PELI1: variants seen among roughly 807,000 people sequenced by gnomAD.
The protein encoded by PELI1 is E3 ubiquitin-protein ligase pellino homolog 1.
PELI1 carries 15 observed loss-of-function variants against 41.3 expected under a neutral mutation model. That is an observed-to-expected ratio of 0.36 (90% CI 0.24 to 0.56). The LOEUF (loss-of-function observed/expected upper bound fraction) is 0.56, where lower values mean the gene tolerates loss of function less well. PELI1 is among the 20% of genes least tolerant of loss of function. The pLI is 0.82. For synonymous variants in PELI1, 178 were observed against 180.1 expected (o/e 0.99, Z 0.09); for missense variants, 403 against 525.5 (o/e 0.77, Z 2.28).
intron 1 of PELI1, among the ~76,000 whole-genome samples, chr2:64,131,496 C>A (rs1317816236): frequency 1.3e-5 from 2 of 151,802 alleles, no homozygotes; most frequent in African/African-American, 4.8e-5. Flanking sequence ...ATTTTTGATC[C>A]ATGCTTGGTT....
intron 1 of PELI1, among the ~76,000 whole-genome samples, chr2:64,120,777 T>C (rs116815116): frequency 0.016 from 2,443 of 152,302 alleles, 60 homozygotes; most frequent in African/African-American, 0.055. Flanking sequence ...TATAAATACA[T>C]TGTTATCTTT....
chr2:64,122,907 CCTTCCAATTTCATTTTATAA>C (rs1681270192), intron 1 of PELI1, among the ~76,000 whole-genome samples: 1 of 152,116 alleles, frequency 6.6e-6, no homozygotes, highest in Non-Finnish European at 1.5e-5. Flanking sequence ...GTTCAATTTT[CCTTCCAATTTCATTTTATAA>C]TAGATGAGAA....
intron 1 of PELI1, among the ~76,000 whole-genome samples, chr2:64,114,954 A>G (rs1342123360): frequency 6.6e-6 from 1 of 152,104 alleles, no homozygotes; most frequent in Non-Finnish European, 1.5e-5. Flanking sequence ...TAAGGTACTT[A>G]ATGTTTGCTT....
At chr2:64,138,299 C>T (rs1416771837) in intron 1 of PELI1, among the ~76,000 whole-genome samples, 1 of 152,216 alleles carries the variant, frequency 6.6e-6, no homozygotes, top group Non-Finnish European at 1.5e-5. Context: ...AGGGCCACTG[C>T]ACTTACTATT....
chr2:64,124,514 A>G (rs561924761), intron 1 of PELI1, among the ~76,000 whole-genome samples: 57 of 152,370 alleles, frequency 3.7e-4, no homozygotes, highest in Non-Finnish European at 6.6e-4. Context: ...AGAGAAACTG[A>G]GGGAAACTAA....
chr2:64,099,324 G>T (rs1009004511), intron 4 of PELI1, among the ~76,000 whole-genome samples: 9 of 149,972 alleles, frequency 6.0e-5, no homozygotes, highest in African/African-American at 2.3e-4. Flanking sequence ...GTAGCATCTT[G>T]ATTTTAAAAA....
At position 64,143,065 on chromosome 2, in the gene PELI1, C is replaced by A. The variant is rs570262611; in HGVS notation, c.-70+1016G>T. Among the ~76,000 whole-genome samples the A allele has an allele frequency of 2.0e-5, 3 of 152,242 alleles. 1 individual carries two copies. In the South Asian group the frequency reaches 6.2e-4, roughly 32 times the overall value. On this transcript the variant is annotated intron_variant, in intron 1 of 6. Coordinates refer to ENST00000358912, the MANE Select transcript of PELI1 (RefSeq NM_020651.4). ...GGAATATTGTTGGTGCTGTTAAAAC[C>A]AAGGCACATTTCCTTGTGTGTAGTG...
At chr2:64,141,308 C>T (rs1681906884) in intron 1 of PELI1, among the ~76,000 whole-genome samples, 1 of 138,032 alleles carries the variant, frequency 7.2e-6, no homozygotes, top group Non-Finnish European at 1.5e-5. Flanking sequence ...TTTCCCGCCC[C>T]CACCCCAAAG....
chr2:64,120,143 C>A (rs191197027), intron 1 of PELI1, among the ~76,000 whole-genome samples: 23 of 152,242 alleles, frequency 1.5e-4, no homozygotes, highest in Non-Finnish European at 2.8e-4. Context: ...ACAGCAGTAG[C>A]CAGAGGTAAG....
At chr2:64,102,217 A>G (rs1185944128) in intron 3 of PELI1, among the ~76,000 whole-genome samples, 1 of 152,002 alleles carries the variant, frequency 6.6e-6, no homozygotes, top group African/African-American at 2.4e-5. Context: ...GAGGTATCCA[A>G]CCTCAAGAAT....
chr2:64,138,536 G>A (rs562608251), intron 1 of PELI1, among the ~76,000 whole-genome samples: 8 of 152,154 alleles, frequency 5.3e-5, no homozygotes, highest in African/African-American at 9.6e-5. Context: ...AGACCGGTCC[G>A]GCCAACATGG....
intron 1 of PELI1, among the ~76,000 whole-genome samples, chr2:64,123,798 C>A (rs1681300210): frequency 3.3e-5 from 5 of 152,236 alleles, no homozygotes; most frequent in Middle Eastern, 6.8e-3. Flanking sequence ...TAGGTATATA[C>A]CCAGGAGAAA....
In PELI1 at chr2:64,094,691, A is replaced by G. The variant is rs1680167447; in HGVS notation, c.*11T>C. On this transcript the variant is annotated 3_prime_UTR_variant, in exon 7 of 7. Transcript: ENST00000358912. The stretch of plus-strand genomic sequence containing the variant: ...TAAATTTATAATGTAGTCCTGCAAG[A>G]CAATGGTCTGTTAGTCTAGAGGTCC... The G allele has an allele frequency of 1.3e-6, 2 of 1,598,762 alleles. No homozygotes were observed. The highest frequency in any genetic ancestry group is 1.1e-5 in the South Asian group (1 of 90,622).
intron 4 of PELI1, among the ~76,000 whole-genome samples, chr2:64,099,160 GGA>G (rs1680338178): frequency 8.6e-6 from 1 of 116,474 alleles, no homozygotes; most frequent in South Asian, 3.0e-4. Context: ...CAAATATCTT[GGA>G]GATACACACA....
chr2:64,110,589 C>G (rs1476623894), intron 1 of PELI1, among the ~76,000 whole-genome samples: 2 of 152,164 alleles, frequency 1.3e-5, no homozygotes, highest in Non-Finnish European at 2.9e-5. Context: ...AATCGACTTT[C>G]CTTCTCTTGA....
chr2:64,109,105 C>T (rs1180525262), intron 1 of PELI1, among the ~76,000 whole-genome samples: 1 of 152,130 alleles, frequency 6.6e-6, no homozygotes, highest in African/African-American at 2.4e-5. Flanking sequence ...CGGGCATGCC[C>T]CAGCACCTAC....
chr2:64,110,017 G>A (rs562922222), intron 1 of PELI1, among the ~76,000 whole-genome samples: 1 of 152,248 alleles, frequency 6.6e-6, no homozygotes, highest in Non-Finnish European at 1.5e-5. Flanking sequence ...AGCGGAGGCG[G>A]GAAGATCACT....
intron 1 of PELI1, among the ~76,000 whole-genome samples, chr2:64,134,628 G>T (rs1681658875): frequency 6.6e-6 from 1 of 152,066 alleles, no homozygotes; most frequent in Non-Finnish European, 1.5e-5. Flanking sequence ...TCCTTTGATG[G>T]TAAATTTAAA....
Position 64,104,758 on chromosome 2 carries a change from C to G in PELI1, c.144G>C (p.Lys48Asn). ...KSRFALFKRP[K>N]ANGVKPSTVH... ...CAGTGCTGGGCTTCACCCCATTTGC[C>G]TTAGGTCTTTTAAACAAAGCAAACC... The change falls in exon 3 of 7, where the codon AAG becomes AAC. Residue 48 changes from lysine (K) to asparagine (N), a missense_variant. Lys to Asn is a moderately conservative substitution (Grantham distance 94). Coordinates refer to ENST00000358912, the MANE Select transcript of PELI1 (RefSeq NM_020651.4). 1 of 1,612,322 alleles carries G rather than the reference C, an allele frequency of 6.2e-7. No individual in the cohort carries two copies. The highest frequency in any genetic ancestry group is 8.5e-7 in the Non-Finnish European group (1 of 1,179,720).
Sources: gnomAD v4.1 joint callset for allele counts (sites outside exome capture counted in the v4.1 genomes callset) on GRCh38, gnomAD v4.1.1 for gene constraint, MANE v1.5 for transcripts, NCBI Gene and HGNC (gene_info 2026-07-23, HGNC 2026-07-21) for gene names.